PRKCH: variants seen among roughly 807,000 people sequenced by gnomAD.
The protein encoded by PRKCH is protein kinase C eta type.
A neutral mutation model predicts 82.5 loss-of-function variants in PRKCH; 28 were observed. The ratio of observed to expected loss-of-function variants is 0.34; its 90% CI spans 0.25 to 0.47. The LOEUF is 0.47. PRKCH is among the 20% of genes least tolerant of loss of function. The pLI is 1.00. For synonymous variants in PRKCH, 322 were observed against 327.4 expected (o/e 0.98, Z 0.18); for missense variants, 705 against 881.8 (o/e 0.80, Z 2.54).
intron 1 of PRKCH, among the ~76,000 whole-genome samples, chr14:61,266,249 C>T (rs538220505): frequency 8.6e-5 from 13 of 151,518 alleles, no homozygotes; most frequent in Non-Finnish European, 1.8e-4. Context: ...GAAACCCCGA[C>T]TCTACTAAAA....
intron 1 of PRKCH, among the ~76,000 whole-genome samples, chr14:61,221,376 A>G (rs2044654832): frequency 6.6e-6 from 1 of 152,168 alleles, no homozygotes. Flanking sequence ...GGATATATCT[A>G]TTAGCCCTGC....
chr14:61,279,924 A>G (rs1301017888), intron 1 of PRKCH: 1 of 635,788 alleles, frequency 1.6e-6, no homozygotes, highest in African/African-American at 1.8e-5. Context: ...AAGACAGTCT[A>G]GCAGCCCCCC....
chr14:61,216,426 G>A (rs537220482), intron 1 of PRKCH, among the ~76,000 whole-genome samples: 1 of 151,712 alleles, frequency 6.6e-6, no homozygotes, highest in South Asian at 2.1e-4. Flanking sequence ...GCTGAGATTG[G>A]GCCACTGCAC....
chr14:61,388,093 A>G (rs2046615398), intron 1 of PRKCH, among the ~76,000 whole-genome samples: 1 of 148,242 alleles, frequency 6.7e-6, no homozygotes, highest in Non-Finnish European at 1.5e-5. Flanking sequence ...GATTGCAGTG[A>G]GCCGAGATGG....
upstream of PRKCH, among the ~76,000 whole-genome samples, chr14:61,320,598 TCAAAAA>T (rs954896924): frequency 2.0e-4 from 9 of 44,098 alleles, no homozygotes; most frequent in Non-Finnish European, 1.1e-3. Context: ...AAACTCCGTC[TCAAAAA>T]CAACAACAAC....
At chr14:61,447,736 G>A (rs759060237) in intron 4 of PRKCH, among the ~76,000 whole-genome samples, 1 of 152,120 alleles carries the variant, frequency 6.6e-6, no homozygotes, top group East Asian at 1.9e-4. Context: ...AAAATATTTA[G>A]AGTCAAGTGA....
chr14:61,385,638 C>T (rs1489458732), intron 1 of PRKCH, among the ~76,000 whole-genome samples: 2 of 152,068 alleles, frequency 1.3e-5, no homozygotes, highest in Non-Finnish European at 2.9e-5. Context: ...TGACTTCACC[C>T]TTTAATGGGG....
intron 2 of PRKCH, among the ~76,000 whole-genome samples, chr14:61,408,080 G>A (rs944705509): frequency 2.0e-5 from 3 of 152,132 alleles, no homozygotes; most frequent in Non-Finnish European, 4.4e-5. Context: ...GTGGCCTTGG[G>A]GGAGACTTTG....
chr14:61,223,220 T>A (rs985159688), intron 1 of PRKCH, among the ~76,000 whole-genome samples: 1 of 152,128 alleles, frequency 6.6e-6, no homozygotes, highest in South Asian at 2.1e-4. Flanking sequence ...GGAGAAGGAA[T>A]CCCACAACAC....
At chr14:61,215,270 G>T (rs554811021) in intron 1 of PRKCH, among the ~76,000 whole-genome samples, 7 of 152,230 alleles carry the variant, frequency 4.6e-5, no homozygotes, top group South Asian at 4.1e-4. Context: ...TCATCATGTA[G>T]GTGGGTCTGG....
intron 10 of PRKCH, chr14:61,525,354 A>G (rs2042952054): frequency 1.3e-5 from 2 of 152,210 alleles, no homozygotes; most frequent in Admixed American, 6.5e-5. Context: ...GAGAACAGCC[A>G]TGGCGTTTCC....
intron 1 of PRKCH, among the ~76,000 whole-genome samples, chr14:61,384,009 T>C (rs571897394): frequency 4.6e-5 from 7 of 151,944 alleles, no homozygotes; most frequent in African/African-American, 1.4e-4. Flanking sequence ...GAGGGGGAAG[T>C]TGATGAGATC....
intron 1 of PRKCH, among the ~76,000 whole-genome samples, chr14:61,337,987 T>C (rs1308229366): frequency 1.3e-5 from 2 of 152,206 alleles, no homozygotes; most frequent in Non-Finnish European, 2.9e-5. Flanking sequence ...TTTTTGAGTC[T>C]CCTTGCCGGG....
At chr14:61,422,551 C>T (rs1442509536) in intron 2 of PRKCH, among the ~76,000 whole-genome samples, 4 of 152,168 alleles carry the variant, frequency 2.6e-5, no homozygotes, top group Admixed American at 6.5e-5. Flanking sequence ...GCTTTAGGTT[C>T]AATTCAGGCA....
chr14:61,281,237 C>T (rs2045263110), intron 1 of PRKCH: 2 of 818,762 alleles, frequency 2.4e-6, no homozygotes, highest in Admixed American at 4.5e-5. Flanking sequence ...AGCCCGGGGA[C>T]TGCTCGCGGG....
intron 3 of PRKCH, among the ~76,000 whole-genome samples, chr14:61,444,585 T>TC (rs200238617): frequency 6.6e-5 from 10 of 151,550 alleles, no homozygotes; most frequent in Admixed American, 1.3e-4. Flanking sequence ...CCTTTAACGC[T>TC]CCCCCCCTCC....
intron 1 of PRKCH, among the ~76,000 whole-genome samples, chr14:61,331,687 G>A (rs537302604): frequency 6.6e-6 from 1 of 152,214 alleles, no homozygotes; most frequent in Non-Finnish European, 1.5e-5. Flanking sequence ...CCGTTATATT[G>A]TGAGGGGGCT....
intron 1 of PRKCH, among the ~76,000 whole-genome samples, chr14:61,378,413 C>T (rs1303794186): frequency 1.3e-5 from 2 of 151,902 alleles, no homozygotes; most frequent in African/African-American, 4.8e-5. Flanking sequence ...TATTTTGTTG[C>T]TTAGGCTGTT....
intron 2 of PRKCH, among the ~76,000 whole-genome samples, chr14:61,411,780 G>A (rs1303082815): frequency 6.6e-6 from 1 of 152,170 alleles, no homozygotes; most frequent in Non-Finnish European, 1.5e-5. Context: ...TAACTCTGGA[G>A]GTGTACAAAG....
Sources: gnomAD v4.1 joint callset for allele counts (sites outside exome capture counted in the v4.1 genomes callset) on GRCh38, gnomAD v4.1.1 for gene constraint, MANE v1.5 for transcripts, NCBI Gene and HGNC (gene_info 2026-07-23, HGNC 2026-07-21) for gene names.